The following RAB27B variants were observed in gnomAD, a reference collection of about 807,000 sequenced individuals.
RAB27B encodes the protein ras-related protein Rab-27B.
Under a neutral mutation model 24.6 loss-of-function variants are expected in RAB27B, and 15 were observed. The observed-to-expected ratio is 0.61, with a 90% CI of 0.41 to 0.94. The LOEUF (loss-of-function observed/expected upper bound fraction) is 0.94. RAB27B is among the 40% of genes least tolerant of loss of function. The pLI is 0.00. For synonymous variants in RAB27B, 105 were observed against 92.5 expected (o/e 1.14, Z -0.78); for missense variants, 261 against 266.8 (o/e 0.98, Z 0.15).
rs548288719 is a variant in RAB27B at position 54,867,442 on chromosome 18, C to CTTTT, written c.-19-10108_-19-10105dup. Among the ~76,000 whole-genome samples, 599 of 98,746 alleles carry CTTTT rather than the reference C, an allele frequency of 6.1e-3. 14 individuals are homozygous for CTTTT. The highest frequency in any genetic ancestry group is 0.02 in the African/African-American group (556 of 27,902). The allele number at this position is 98,746 out of a possible 152,430, so 64.8% of individuals were successfully genotyped here. ...CTGATGCTTTCTTTTCTTTTCTTTT[C>CTTTT]TTTTTTTTTTTTTTTTTTTTCTGAG... On this transcript the variant is annotated intron_variant, in intron 1 of 5. Coordinates refer to ENST00000262094, the MANE Select transcript of RAB27B (RefSeq NM_004163.4).
rs1913454624 is a variant in RAB27B at position 54,893,599 on chromosome 18, A to C, written c.*4186A>C. On this transcript the variant is annotated 3_prime_UTR_variant, in exon 6 of 6. Transcript: ENST00000262094. ...GGAAGGTGTTGAGCTCTTATACATG[A>C]AAATGGATATAGGCTATTCTCTGGG... 2 of 152,060 alleles carry C rather than the reference A, an allele frequency of 1.3e-5. No homozygotes were observed. Among genetic ancestry groups the C allele is most frequent in the African/African-American group, 4.8e-5 (2 of 41,440 alleles). The allele number at this position is 152,060 out of a possible 1,614,324, so 9.4% of individuals were successfully genotyped here. A position where few individuals can be genotyped will look rare whatever the true frequency, so the allele number is the denominator to read the frequency against.
At chr18:54,820,656 A>G (rs1332307794) in intron 2 of RAB27B, among the ~76,000 whole-genome samples, 1 of 152,030 alleles carries the variant, frequency 6.6e-6, no homozygotes, top group African/African-American at 2.4e-5. Context: ...TTTTGTTGCC[A>G]TTGCTTTTGG....
intron 1 of RAB27B, among the ~76,000 whole-genome samples, chr18:54,847,587 C>A (rs1911389595): frequency 6.6e-6 from 1 of 152,178 alleles, no homozygotes; most frequent in Admixed American, 6.5e-5. Context: ...AATACCTATG[C>A]TCATTTTAAT....
intron 2 of RAB27B, among the ~76,000 whole-genome samples, chr18:54,719,623 TG>T (rs1038411587): frequency 2.6e-5 from 4 of 152,038 alleles, no homozygotes; most frequent in Non-Finnish European, 5.9e-5. Context: ...GAAATTAGAT[TG>T]GGGGTGGTAG....
intron 2 of RAB27B, among the ~76,000 whole-genome samples, chr18:54,798,738 A>G (rs967248570): frequency 6.6e-6 from 1 of 152,262 alleles, no homozygotes; most frequent in African/African-American, 2.4e-5. Context: ...ATTCAGTCAC[A>G]TTCTGTATAT....
At chr18:54,885,184 G>T (rs569462023) in intron 4 of RAB27B, among the ~76,000 whole-genome samples, 1 of 152,224 alleles carries the variant, frequency 6.6e-6, no homozygotes, top group Non-Finnish European at 1.5e-5. Context: ...TTACAAATAA[G>T]AATTTTGATC....
intron 1 of RAB27B, among the ~76,000 whole-genome samples, chr18:54,834,354 T>C (rs1225023182): frequency 6.6e-6 from 1 of 152,166 alleles, no homozygotes; most frequent in Non-Finnish European, 1.5e-5. Flanking sequence ...AGGAAGTCTA[T>C]TATTAGTCAA....
At chr18:54,754,968 T>C (rs1027459926) in intron 2 of RAB27B, among the ~76,000 whole-genome samples, 6 of 152,192 alleles carry the variant, frequency 3.9e-5, no homozygotes, top group African/African-American at 7.2e-5. Flanking sequence ...TCCCTGACAT[T>C]ATTGCTATTA....
intron 1 of RAB27B, among the ~76,000 whole-genome samples, chr18:54,835,434 C>T (rs1481084813): frequency 6.6e-6 from 1 of 151,942 alleles, no homozygotes; most frequent in Non-Finnish European, 1.5e-5. Context: ...CTATATCTAT[C>T]CCTTTCTCAC....
At chr18:54,851,940 G>A (rs1164073397) in intron 1 of RAB27B, among the ~76,000 whole-genome samples, 2 of 152,080 alleles carry the variant, frequency 1.3e-5, no homozygotes, top group African/African-American at 4.8e-5. Flanking sequence ...CCAAAAATCA[G>A]TTCTTAAATT....
intron 2 of RAB27B, among the ~76,000 whole-genome samples, chr18:54,758,010 G>C (rs1027730834): frequency 6.6e-6 from 1 of 152,006 alleles, no homozygotes; most frequent in Non-Finnish European, 1.5e-5. Flanking sequence ...TTTCACTCTT[G>C]TTGCCTAGGC....
intron 1 of RAB27B, among the ~76,000 whole-genome samples, chr18:54,850,357 T>TATATATATATATATACATAC (rs1264669719): frequency 2.3e-5 from 3 of 130,558 alleles, no homozygotes; most frequent in African/African-American, 9.3e-5. Context: ...TATATATATA[T>TATATATATATATATACATAC]ATACATACAT....
In RAB27B at chr18:54,801,637, A is replaced by G. The variant is rs74625578; in HGVS notation, c.-19-75930A>G. Among the ~76,000 whole-genome samples, 449 of 152,310 alleles carry G rather than the reference A, an allele frequency of 2.9e-3. 2 individuals are homozygous for G. Among genetic ancestry groups the G allele is most frequent in the African/African-American group, 0.01 (424 of 41,570 alleles). On this transcript the variant is annotated intron_variant, in intron 2 of 4. Transcript: ENST00000586570. ...GTTGGGGCTTGGGAAGTTGTCCAGT[A>G]CATTTCAGGATGATTAGCACATCTC...
intron 2 of RAB27B, among the ~76,000 whole-genome samples, chr18:54,733,381 C>G (rs1165884676): frequency 6.6e-6 from 1 of 152,124 alleles, no homozygotes; most frequent in Non-Finnish European, 1.5e-5. Context: ...CAGGTTTTAT[C>G]TGATTATTTC....
Position 54,822,156 on chromosome 18 carries a change from A to G in RAB27B, c.-19-55411A>G, listed in dbSNP as rs545678530. ...TTAAAAAAGAGATAGTTATCTTAAC[A>G]TTGGAGTCCTTATAGTTCTCTTATA... On this transcript the variant is annotated intron_variant, in intron 2 of 4. Transcript: ENST00000586570. Among the ~76,000 whole-genome samples the G allele has an allele frequency of 7.2e-5, 11 of 152,370 alleles. No individual in the cohort carries two copies. In the South Asian group the frequency reaches 2.3e-3, roughly 32 times the overall value.
chr18:54,785,032 T>C (rs1036835825), intron 2 of RAB27B, among the ~76,000 whole-genome samples: 2 of 152,136 alleles, frequency 1.3e-5, no homozygotes, highest in Admixed American at 6.5e-5. Flanking sequence ...CCAGCCACAA[T>C]GTCCTCCCAA....
Position 54,894,194 on chromosome 18 carries a change from G to A in RAB27B, c.*4781G>A, listed in dbSNP as rs1322489894. On this transcript the variant is annotated 3_prime_UTR_variant, in exon 6 of 6. Transcript: ENST00000262094. ...GATGTTTTCTCATTTCCTGTAGAGA[G>A]AGAATACCACTAACAAACAAACAAA... 6.6e-6 allele frequency: 1 copy of A among 151,892 alleles called. No homozygotes were observed. Among genetic ancestry groups the A allele is most frequent in the Non-Finnish European group, 1.5e-5 (1 of 67,904 alleles). 9.4% of individuals were successfully genotyped at this position (151,892 alleles called of 1,614,324 possible).
At chr18:54,855,264 A>G (rs1342648408) in intron 1 of RAB27B, among the ~76,000 whole-genome samples, 1 of 152,180 alleles carries the variant, frequency 6.6e-6, no homozygotes, top group Non-Finnish European at 1.5e-5. Flanking sequence ...AGATGTAAAT[A>G]CAGATGAAGC....
chr18:54,723,899 G>A (rs73474573), intron 2 of RAB27B, among the ~76,000 whole-genome samples: 21,509 of 152,110 alleles, frequency 0.14, 1,803 homozygotes, highest in African/African-American at 0.23. Context: ...AAAGCAATAA[G>A]GGCAACAGGT....
Sources: allele counts gnomAD v4.1 joint callset (sites outside exome capture counted in the v4.1 genomes callset), GRCh38; gene constraint gnomAD v4.1.1; transcripts MANE v1.5; gene names NCBI Gene and HGNC (gene_info 2026-07-23, HGNC 2026-07-21).